CHST5: variants seen among roughly 807,000 people sequenced by gnomAD.
The protein encoded by CHST5 is carbohydrate sulfotransferase 5.
For missense variants in CHST5, 637 were observed against 602.1 expected (o/e 1.06, Z -0.61); for synonymous variants, 313 against 279.2 (o/e 1.12, Z -1.21).
At position 75,533,197 on chromosome 16, in the gene CHST5, T is replaced by G. The variant is rs1387341227; in HGVS notation, c.-1351-14A>C. The stretch of plus-strand genomic sequence containing the variant: ...ACTGGGAGCTTTCTGATAAGGAGAC[T>G]TACATTCAGCACAGTGGACAATTGG... On this transcript the variant is annotated splice_polypyrimidine_tract_variant and intron_variant, in intron 2 of 3. Coordinates refer to ENST00000336257, the MANE Select transcript of CHST5 (RefSeq NM_024533.5). 2.8e-6 allele frequency: 2 copies of G among 702,270 alleles called. No homozygotes were observed. The highest frequency in any genetic ancestry group is 5.2e-6 in the Non-Finnish European group (2 of 384,836). 43.5% of individuals were successfully genotyped at this position (702,270 alleles called of 1,614,324 possible).
rs2080513621 is a variant in CHST5, at chr16:75,530,901, C to G, written c.-517G>C. The G allele has an allele frequency of 4.0e-6, 4 of 1,000,612 alleles. No homozygotes were observed. The highest frequency in any genetic ancestry group is 1.2e-4 in the Admixed American group (2 of 16,698). The allele number at this position is 1,000,612 out of a possible 1,614,324, so 62.0% of individuals were successfully genotyped here. ...AATTCCGGTACCTGGCTCACAGGAT[C>G]TGGGGGGATTGGGGGGTTATTATAA... On this transcript the variant is annotated 5_prime_UTR_variant, in exon 4 of 4. Coordinates refer to ENST00000336257, the MANE Select transcript of CHST5 (RefSeq NM_024533.5).
At position 75,531,015 on chromosome 16, in the gene CHST5, T is replaced by C; in HGVS notation, c.-631A>G. ...GTGCTTCTGTATTATATAATTTTTT[T>C]AACAGGCAGGTATAAAACTTTTGTC... On this transcript the variant is annotated 5_prime_UTR_variant, in exon 4 of 4. Transcript: ENST00000336257. The C allele has an allele frequency of 1.0e-6, 1 of 1,001,190 alleles. No individual in the cohort carries two copies. Among genetic ancestry groups the C allele is most frequent in the Non-Finnish European group, 1.2e-6 (1 of 830,782 alleles). 62.0% of individuals were successfully genotyped at this position (1,001,190 alleles called of 1,614,324 possible).
rs376887507 is a variant in CHST5 at position 75,529,510 on chromosome 16, A to T, written c.875T>A (p.Leu292Gln). Residue 292 changes from leucine to glutamine, a missense_variant, in exon 4 of 4, where the codon CTG (leucine) becomes CAG (glutamine). Transcript: ENST00000336257. Reference sequence around the variant, plus strand: ...CCGCGCCAGGTCCTCGAAGCGCACCAGGCGGTAGCGGCCGCGCAGGAAGGG... The same window carrying T: ...CCGCGCCAGGTCCTCGAAGCGCACCTGGCGGTAGCGGCCGCGCAGGAAGGG... ...PPPFLRGRYR[L>Q]VRFEDLAREP... The T allele has an allele frequency of 3.1e-6, 5 of 1,610,896 alleles. No individual in the cohort carries two copies. The highest frequency in any genetic ancestry group is 4.2e-6 in the Non-Finnish European group (5 of 1,179,514).
intron 2 of CHST5, among the ~76,000 whole-genome samples, chr16:75,534,513 G>A (rs1291986385): frequency 1.3e-5 from 2 of 151,976 alleles, no homozygotes; most frequent in Non-Finnish European, 2.9e-5. Flanking sequence ...GTGTGGTGGC[G>A]GGCGTCTGTA....
In CHST5 at chr16:75,529,708, G is replaced by A. The variant is rs746419995; in HGVS notation, c.677C>T (p.Pro226Leu). ...CTCCCGGGAGCGCAGCACGGCCCGC[G>A]GGTCGCGCACCAGGTGCACGATGCG... ...NLRIVHLVRD[P>L]RAVLRSREAA... Residue 226 changes from proline (P) to leucine (L), a missense_variant, in exon 4 of 4, where the codon CCG becomes CTG. Transcript: ENST00000336257. 3.1e-6 allele frequency: 5 copies of A among 1,611,568 alleles called. No individual in the cohort carries two copies. The highest frequency in any genetic ancestry group is 4.2e-6 in the Non-Finnish European group (5 of 1,179,182).
chr16:75,530,367 C>T lies in CHST5; in HGVS notation c.18G>A (p.Arg6=). The T allele has an allele frequency of 1.3e-6, 2 of 1,552,724 alleles. No individual in the cohort carries two copies. The highest frequency in any genetic ancestry group is 1.2e-5 in the South Asian group (1 of 82,908). MGMRA[R]VPKVAHSTRR... ...GGGTGGAGTGGGCAACTTTAGGGAC[C>T]CGGGCCCTCATGCCCATCCCATGCC... The change falls in exon 4 of 4, where the codon CGG becomes CGA. Residue 6 remains arginine (R), a synonymous_variant. Transcript: ENST00000336257.
chr16:75,529,421 C>G lies in CHST5; in HGVS notation c.964G>C (p.Glu322Gln), dbSNP rs115338799. The G allele has an allele frequency of 1.6e-3, 2,595 of 1,613,006 alleles. 40 individuals carry two copies. In the African/African-American group the frequency reaches 0.031, roughly 19 times the overall value. ...FTGLTLTPQL[E>Q]AWIHNITHGS... Reference sequence around the variant, plus strand: ...TGGGTGATGTTGTGGATCCAGGCCTCGAGCTGTGGCGTGAGGGTCAGGCCG... The same window carrying G: ...TGGGTGATGTTGTGGATCCAGGCCTGGAGCTGTGGCGTGAGGGTCAGGCCG... The change falls in exon 4 of 4, where the codon GAG becomes CAG. Residue 322 changes from glutamate to glutamine, a missense_variant. Coordinates refer to ENST00000336257, the MANE Select transcript of CHST5 (RefSeq NM_024533.5).
rs2080488315 is a variant in CHST5, at chr16:75,529,235, A to G, written c.1150T>C (p.Tyr384His). 2 of 1,612,892 alleles carry G rather than the reference A, an allele frequency of 1.2e-6. No homozygotes were observed. Among genetic ancestry groups the G allele is most frequent in the Admixed American group, 3.3e-5 (2 of 59,984 alleles). ...AGGTCACGCTGCTGGTCCGCAGAGTACACAGGCCGGTAGCCCAGCAGCTGC... is the reference window on the plus strand; with the variant it reads ...AGGTCACGCTGCTGGTCCGCAGAGTGCACAGGCCGGTAGCCCAGCAGCTGC... Reference protein sequence around the residue: ...ALQLLGYRPVYSADQQRDLTL... With the variant: ...ALQLLGYRPVHSADQQRDLTL... The change falls in exon 4 of 4, where the codon TAC becomes CAC. Residue 384 changes from tyrosine to histidine, a missense_variant. Coordinates refer to ENST00000336257, the MANE Select transcript of CHST5 (RefSeq NM_024533.5).
In CHST5 at chr16:75,530,886, C is replaced by A; in HGVS notation, c.-502G>T. On this transcript the variant is annotated 5_prime_UTR_variant, in exon 4 of 4. Coordinates refer to ENST00000336257, the MANE Select transcript of CHST5 (RefSeq NM_024533.5). ...GTGTGAAAGAGGGATAATTCCGGTA[C>A]CTGGCTCACAGGATCTGGGGGGATT... The A allele has an allele frequency of 1.0e-6, 1 of 1,001,870 alleles. No homozygotes were observed. The highest frequency in any genetic ancestry group is 4.6e-5 in the South Asian group (1 of 21,510). 62.1% of individuals were successfully genotyped at this position (1,001,870 alleles called of 1,614,324 possible). A position where few individuals can be genotyped will look rare whatever the true frequency, so the allele number is the denominator to read the frequency against.
rs370822361 is a variant in CHST5, at chr16:75,530,434, C to T, written c.-50G>A. ...GCCCTCAGGGATCAGCCCTCAGATTCGGCTACCCTACCCATTGGACTTCCC... is the reference window on the plus strand; with the variant it reads ...GCCCTCAGGGATCAGCCCTCAGATTTGGCTACCCTACCCATTGGACTTCCC... On this transcript the variant is annotated 5_prime_UTR_variant, in exon 4 of 4. Coordinates refer to ENST00000336257, the MANE Select transcript of CHST5 (RefSeq NM_024533.5). 2.0e-4 allele frequency: 294 copies of T among 1,471,762 alleles called. 5 individuals are homozygous for T. In the South Asian group the frequency reaches 2.9e-3, roughly 15 times the overall value. The allele number at this position is 1,471,762 out of a possible 1,614,324, so 91.2% of individuals were successfully genotyped here.
Position 75,530,987 on chromosome 16 carries a change from G to C in CHST5, c.-603C>G, listed in dbSNP as rs1355631918. The C allele has an allele frequency of 1.0e-4, 102 of 1,001,802 alleles. No homozygotes were observed. The highest frequency in any genetic ancestry group is 3.6e-6 in the Non-Finnish European group (3 of 831,260). 62.1% of individuals were successfully genotyped at this position (1,001,802 alleles called of 1,614,324 possible). A position where few individuals can be genotyped will look rare whatever the true frequency, so the allele number is the denominator to read the frequency against. ...TAACTGAGGATTGCACCTTTTACAA[G>C]GTGTGCTTCTGTATTATATAATTTT... On this transcript the variant is annotated 5_prime_UTR_variant, in exon 4 of 4. Transcript: ENST00000336257.
In CHST5 at chr16:75,530,730, A is replaced by T; in HGVS notation, c.-346T>A. ...TAGGTTGTGGAGCTAAAAGGGCTTG[A>T]TGGGGGCTTCGGTGGATGTCAGAGC... On this transcript the variant is annotated 5_prime_UTR_variant, in exon 4 of 4. Transcript: ENST00000336257. The T allele has an allele frequency of 9.3e-7, 1 of 1,077,230 alleles. No homozygotes were observed. Among genetic ancestry groups the T allele is most frequent in the Non-Finnish European group, 1.1e-6 (1 of 878,464 alleles). 66.7% of individuals were successfully genotyped at this position (1,077,230 alleles called of 1,614,324 possible).
At chr16:75,531,785 C>T in intron 3 of CHST5, 145 bp from the exon 4 acceptor site, 1 of 444,360 alleles carries the variant, frequency 2.3e-6, no homozygotes, top group Non-Finnish European at 4.1e-6. Flanking sequence ...GGTTGTGGAG[C>T]TAAAGGGCTT....
At position 75,529,809 on chromosome 16, in the gene CHST5, G is replaced by T. The variant is rs547666035; in HGVS notation, c.576C>A (p.His192Gln). The part of the protein sequence containing the change: ...LAREACRSYS[H>Q]VVLKEVRFFN... Reference sequence around the variant, plus strand: ...AGAAGCGCACCTCCTTGAGCACCACGTGGCTGTAGGAGCGGCAGGCCTCCC... The same window carrying T: ...AGAAGCGCACCTCCTTGAGCACCACTTGGCTGTAGGAGCGGCAGGCCTCCC... The change falls in exon 4 of 4, where the codon CAC becomes CAA. Residue 192 changes from histidine (H) to glutamine (Q), a missense_variant. By Grantham distance (24) the His-to-Gln change is conservative (BLOSUM62 0). Transcript: ENST00000336257. 6.2e-7 allele frequency: 1 copy of T among 1,613,796 alleles called. No homozygotes were observed. The highest frequency in any genetic ancestry group is 1.1e-5 in the South Asian group (1 of 91,088).
Position 75,530,904 on chromosome 16 carries a change from G to A in CHST5, c.-520C>T. On this transcript the variant is annotated 5_prime_UTR_variant, in exon 4 of 4. Transcript: ENST00000336257. ...TCCGGTACCTGGCTCACAGGATCTGGGGGGATTGGGGGGTTATTATAATGA... is the reference window on the plus strand; with the variant it reads ...TCCGGTACCTGGCTCACAGGATCTGAGGGGATTGGGGGGTTATTATAATGA... The A allele has an allele frequency of 1.0e-6, 1 of 1,003,928 alleles. No homozygotes were observed. The highest frequency in any genetic ancestry group is 1.2e-6 in the Non-Finnish European group (1 of 832,280). The allele number at this position is 1,003,928 out of a possible 1,614,324, so 62.2% of individuals were successfully genotyped here.
chr16:75,529,519 C>A lies in CHST5; in HGVS notation c.866G>T (p.Arg289Leu), dbSNP rs1241792912. The A allele has an allele frequency of 1.9e-5, 30 of 1,610,318 alleles. No individual in the cohort carries two copies. The highest frequency in any genetic ancestry group is 2.5e-5 in the Non-Finnish European group (30 of 1,179,440). ...GTCCTCGAAGCGCACCAGGCGGTAG[C>A]GGCCGCGCAGGAAGGGTGGCGGCTT... ...TLKPPPFLRG[R>L]YRLVRFEDLA... Residue 289 changes from arginine (R) to leucine (L), a missense_variant, in exon 4 of 4, where the codon CGC becomes CTC. Arg to Leu is a moderately radical substitution (Grantham distance 102, BLOSUM62 -2). Transcript: ENST00000336257.
chr16:75,531,302 AAG>A lies in CHST5; in HGVS notation c.-920_-919del, dbSNP rs1398114793. The A allele has an allele frequency of 2.1e-6, 2 of 937,588 alleles. No homozygotes were observed. The highest frequency in any genetic ancestry group is 2.0e-4 in the East Asian group (2 of 10,158). The allele number at this position is 937,588 out of a possible 1,614,324, so 58.1% of individuals were successfully genotyped here. A position where few individuals can be genotyped will look rare whatever the true frequency, so the allele number is the denominator to read the frequency against. ...GCGCCACTGCACTGCAGCCTGAGTG[AAG>A]AGTGAGACTCCGTTTCAAAAAAAAA... On this transcript the variant is annotated 5_prime_UTR_variant, in exon 4 of 4. The change abolishes the stop of an existing upstream ORF in the 5' untranslated region. Coordinates refer to ENST00000336257, the MANE Select transcript of CHST5 (RefSeq NM_024533.5).
chr16:75,532,755 G>T (rs2080534170), intron 3 of CHST5, among the ~76,000 whole-genome samples: 1 of 152,200 alleles, frequency 6.6e-6, no homozygotes, highest in African/African-American at 2.4e-5. Flanking sequence ...CAGAAAGGAA[G>T]GGAACTCATA....
chr16:75,530,962 T>C lies in CHST5; in HGVS notation c.-578A>G. On this transcript the variant is annotated 5_prime_UTR_variant, in exon 4 of 4. It removes an upstream start codon present in the reference 5' UTR. Coordinates refer to ENST00000336257, the MANE Select transcript of CHST5 (RefSeq NM_024533.5). ...GGAAGGGAACACGCAGTCATGCCCA[T>C]AACTGAGGATTGCACCTTTTACAAG... 1 of 1,003,110 alleles carries C rather than the reference T, an allele frequency of 1.0e-6. No individual in the cohort carries two copies. The highest frequency in any genetic ancestry group is 1.2e-6 in the Non-Finnish European group (1 of 831,922). The allele number at this position is 1,003,110 out of a possible 1,614,324, so 62.1% of individuals were successfully genotyped here.
Sources: gnomAD v4.1 joint callset for allele counts (sites outside exome capture counted in the v4.1 genomes callset) on GRCh38, gnomAD v4.1.1 for gene constraint, MANE v1.5 for transcripts, NCBI Gene and HGNC (gene_info 2026-07-23, HGNC 2026-07-21) for gene names.